Variants in METTL15 observed in about 807,000 individuals in gnomAD.
METTL15 encodes 12S rRNA N(4)-cytidine methyltransferase METTL15.
A neutral mutation model predicts 38.3 loss-of-function variants in METTL15; 34 were observed. The ratio of observed to expected loss-of-function variants is 0.89; its 90% confidence interval spans 0.68 to 1.18. The LOEUF (loss-of-function observed/expected upper bound fraction) is 1.18. Among genes scored for constraint, METTL15 ranks in the 50% most tolerant of loss-of-function variants. The pLI, the probability that METTL15 is intolerant of heterozygous loss-of-function variation, is 0.00. For synonymous variants in METTL15, 162 were observed against 170.9 expected (o/e 0.95, Z 0.41); for missense variants, 438 against 498.4 (o/e 0.88, Z 1.15).
At chr11:28,324,104 C>G (rs559957711) in intron 6 of METTL15, among the ~76,000 whole-genome samples, 1 of 152,236 alleles carries the variant, frequency 6.6e-6, no homozygotes, top group South Asian at 2.1e-4. Context: ...CTTTTGTAGT[C>G]AGTTTTACTA....
intron 6 of METTL15, among the ~76,000 whole-genome samples, chr11:28,522,365 G>A (rs957387752): frequency 2.0e-5 from 3 of 152,200 alleles, no homozygotes; most frequent in Non-Finnish European, 4.4e-5. Context: ...GGCCCAGCAG[G>A]CTGGAGACCC....
chr11:28,166,220 G>A (rs1850653609), intron 3 of METTL15, among the ~76,000 whole-genome samples: 1 of 152,086 alleles, frequency 6.6e-6, no homozygotes, highest in Admixed American at 6.6e-5. Flanking sequence ...TAAACTCAAT[G>A]TTTTCTGAGT....
chr11:28,430,326 A>G (rs111747454), intron 6 of METTL15, among the ~76,000 whole-genome samples: 22,562 of 69,330 alleles, frequency 0.33, 5,496 homozygotes, highest in Admixed American at 0.47. Context: ...GAGGGAGGTG[A>G]GGGGGTCAGC....
chr11:28,414,524 A>C (rs890734626), intron 5 of METTL15, among the ~76,000 whole-genome samples: 5 of 152,176 alleles, frequency 3.3e-5, no homozygotes, highest in Non-Finnish European at 7.3e-5. Context: ...GCTCCCAGCC[A>C]CAGCATCTAT....
chr11:28,405,418 C>T (rs765429541), intron 5 of METTL15, among the ~76,000 whole-genome samples: 4 of 152,182 alleles, frequency 2.6e-5, no homozygotes, highest in South Asian at 4.1e-4. Context: ...CCCATTTGGC[C>T]TTAACTACAA....
At chr11:28,271,387 T>C (rs183685246) in intron 4 of METTL15, among the ~76,000 whole-genome samples, 1 of 152,302 alleles carries the variant, frequency 6.6e-6, no homozygotes, top group East Asian at 1.9e-4. Context: ...CCTACTTAGG[T>C]TGGCATGAGG....
chr11:28,387,063 A>G (rs965164559), intron 5 of METTL15, among the ~76,000 whole-genome samples: 7 of 151,978 alleles, frequency 4.6e-5, no homozygotes, highest in African/African-American at 1.7e-4. Flanking sequence ...TGCAGTACTA[A>G]GGGCTCTGGA....
intron 6 of METTL15, among the ~76,000 whole-genome samples, chr11:28,498,897 T>C (rs1392780644): frequency 6.6e-6 from 1 of 152,228 alleles, no homozygotes. Context: ...TTCCTTTTGT[T>C]ATGCTTTTGT....
intron 5 of METTL15, among the ~76,000 whole-genome samples, chr11:28,421,558 T>C (rs1483891602): frequency 6.6e-6 from 1 of 152,064 alleles, no homozygotes; most frequent in Non-Finnish European, 1.5e-5. Context: ...ATTCAACATA[T>C]GCAAATGTAT....
chr11:28,308,457 C>G (rs1590300195), intron 6 of METTL15, among the ~76,000 whole-genome samples: 1 of 152,058 alleles, frequency 6.6e-6, no homozygotes, highest in East Asian at 1.9e-4. Flanking sequence ...TAAGGTATAT[C>G]TAATCTGCTG....
chr11:28,218,768 AG>A lies in METTL15; in HGVS notation c.407+7573del, dbSNP rs1853033212. On this transcript the variant is annotated intron_variant, in intron 4 of 6. Coordinates refer to ENST00000407364, the MANE Select transcript of METTL15 (RefSeq NM_001113528.2). ...AATTTATTGAGAGTTTTTAGCATGC[AG>A]GGCTGTTGAATTTTTTCAAAGGCCT... Among the ~76,000 whole-genome samples the A allele has an allele frequency of 3.3e-5, 5 of 152,308 alleles. No homozygotes were observed. In the South Asian group the frequency reaches 1.0e-3, roughly 32 times the overall value.
intron 4 of METTL15, among the ~76,000 whole-genome samples, chr11:28,238,826 T>C (rs994964538): frequency 6.6e-6 from 1 of 152,252 alleles, no homozygotes; most frequent in African/African-American, 2.4e-5. Flanking sequence ...AAACTCCTTT[T>C]GTCAAAGACT....
chr11:28,387,026 A>G (rs960629294), intron 5 of METTL15, among the ~76,000 whole-genome samples: 1 of 151,956 alleles, frequency 6.6e-6, no homozygotes, highest in Non-Finnish European at 1.5e-5. Flanking sequence ...AAAACATAGC[A>G]TACTAAAACT....
intron 3 of METTL15, among the ~76,000 whole-genome samples, chr11:28,145,923 TTTC>T (rs1849866852): frequency 6.6e-6 from 1 of 151,998 alleles, no homozygotes; most frequent in South Asian, 2.1e-4. Flanking sequence ...ATTTTAGGCT[TTTC>T]TTCGCATCTG....
intron 5 of METTL15, among the ~76,000 whole-genome samples, chr11:28,394,478 C>G (rs912684848): frequency 6.6e-6 from 1 of 151,900 alleles, no homozygotes; most frequent in Non-Finnish European, 1.5e-5. Context: ...CTCTGGCTCA[C>G]AAGGAGGGGG....
At chr11:28,273,591 T>C (rs920654179) in intron 4 of METTL15, among the ~76,000 whole-genome samples, 1 of 152,050 alleles carries the variant, frequency 6.6e-6, no homozygotes, top group Non-Finnish European at 1.5e-5. Context: ...CATATATATA[T>C]TGAGTGGCTG....
intron 4 of METTL15, among the ~76,000 whole-genome samples, chr11:28,237,634 G>A (rs1243725554): frequency 8.5e-5 from 13 of 152,312 alleles, no homozygotes; most frequent in South Asian, 6.2e-4. Context: ...GCTTTGTTCC[G>A]TTGCTGGTGA....
intron 5 of METTL15, among the ~76,000 whole-genome samples, chr11:28,376,447 G>A (rs1275546813): frequency 6.6e-6 from 1 of 151,968 alleles, no homozygotes; most frequent in Non-Finnish European, 1.5e-5. Flanking sequence ...TTTGATCTTT[G>A]TTGGTTTAAA....
At chr11:28,303,653 A>G (rs925078799) in intron 6 of METTL15, among the ~76,000 whole-genome samples, 1 of 152,194 alleles carries the variant, frequency 6.6e-6, no homozygotes, top group East Asian at 1.9e-4. Flanking sequence ...AACTGGGTAC[A>G]TAACCAGAGA....
Sources: allele counts gnomAD v4.1 joint callset (sites outside exome capture counted in the v4.1 genomes callset), GRCh38; gene constraint gnomAD v4.1.1; transcripts MANE v1.5; gene names NCBI Gene and HGNC (gene_info 2026-07-23, HGNC 2026-07-21).